The following BBOX1 variants were observed in gnomAD, a reference collection of about 807,000 sequenced individuals.
BBOX1 encodes gamma-butyrobetaine dioxygenase.
BBOX1 carries 35 observed loss-of-function variants against 41.6 expected under a neutral mutation model. That is an observed-to-expected ratio of 0.84 (90% CI 0.64 to 1.11). BBOX1 has a LOEUF of 1.11. Among genes scored for constraint, BBOX1 ranks in the 50% most tolerant of loss-of-function variants. The probability of loss-of-function intolerance (pLI) is 0.00; values close to 1 mark genes in which losing one functional copy is unlikely to be tolerated. For synonymous variants in BBOX1, 163 were observed against 154.7 expected (o/e 1.05, Z -0.40); for missense variants, 458 against 460.6 (o/e 0.99, Z 0.05).
intron 4 of BBOX1, among the ~76,000 whole-genome samples, chr11:27,073,422 G>A (rs1236999112): frequency 2.0e-5 from 3 of 151,756 alleles, no homozygotes; most frequent in Middle Eastern, 3.4e-3. Context: ...ACAGGTGCTG[G>A]AGAGGATGTA....
chr11:27,082,236 A>G (rs1291024929), intron 4 of BBOX1, among the ~76,000 whole-genome samples: 1 of 152,130 alleles, frequency 6.6e-6, no homozygotes, highest in African/African-American at 2.4e-5. Flanking sequence ...TCCAAACTAT[A>G]TCTCTATTCT....
chr11:27,122,838 G>A (rs1476519801), intron 7 of BBOX1, among the ~76,000 whole-genome samples: 1 of 151,870 alleles, frequency 6.6e-6, no homozygotes, highest in African/African-American at 2.4e-5. Context: ...GCTTTTGCTG[G>A]TTCACTGCCA....
intron 4 of BBOX1, among the ~76,000 whole-genome samples, chr11:27,082,507 C>A (rs1857882774): frequency 6.6e-6 from 1 of 152,042 alleles, no homozygotes; most frequent in Admixed American, 6.6e-5. Flanking sequence ...TTTCTGATAT[C>A]CTTTGGTGCG....
chr11:27,060,235 A>G (rs1857099162), intron 4 of BBOX1, among the ~76,000 whole-genome samples: 1 of 152,032 alleles, frequency 6.6e-6, no homozygotes, highest in Admixed American at 6.5e-5. Flanking sequence ...GAGTTCTTTG[A>G]AGATCTGGTT....
intron 7 of BBOX1, among the ~76,000 whole-genome samples, chr11:27,124,813 C>T (rs761908525): frequency 6.6e-5 from 10 of 152,290 alleles, no homozygotes; most frequent in African/African-American, 9.6e-5. Context: ...TGTGAGCCAC[C>T]GTGCCCGGCC....
chr11:27,057,547 A>C (rs1363720941), intron 4 of BBOX1: 1 of 436,226 alleles, frequency 2.3e-6, no homozygotes, highest in Non-Finnish European at 4.0e-6. Flanking sequence ...AAGTCCAGCA[A>C]ACTTGTGTCT....
rs186454107 is a variant in BBOX1 at position 27,068,940 on chromosome 11, T to C, written c.334+11625T>C. ...TGTTCCATTGTTCTATGTGTTTACT[T>C]TTATATAGTACCATGCTGTTTTGGT... On this transcript the variant is annotated intron_variant, in intron 4 of 8. Coordinates refer to ENST00000263182, the MANE Select transcript of BBOX1 (RefSeq NM_003986.3). Among the ~76,000 whole-genome samples the C allele has an allele frequency of 2.0e-4, 31 of 152,308 alleles. No individual in the cohort carries two copies. In the Middle Eastern group the frequency reaches 0.017, roughly 84 times the overall value.
chr11:27,103,156 C>A (rs1298669121), intron 5 of BBOX1, among the ~76,000 whole-genome samples: 1 of 152,040 alleles, frequency 6.6e-6, no homozygotes, highest in African/African-American at 2.4e-5. Context: ...GCACTCCAGC[C>A]CGGGCAACAG....
intron 4 of BBOX1, among the ~76,000 whole-genome samples, chr11:27,092,053 T>G (rs758175064): frequency 1.3e-5 from 2 of 151,952 alleles, no homozygotes; most frequent in Non-Finnish European, 2.9e-5. Flanking sequence ...CCTGCATGTA[T>G]CTTTTTACTA....
At chr11:27,099,261 G>GT (rs1319875736) in intron 5 of BBOX1, among the ~76,000 whole-genome samples, 2 of 151,384 alleles carry the variant, frequency 1.3e-5, no homozygotes, top group East Asian at 3.9e-4. Context: ...GTTCAGATTT[G>GT]TTTTTTTTCT....
intron 5 of BBOX1, among the ~76,000 whole-genome samples, chr11:27,093,840 T>C (rs1453709678): frequency 1.3e-5 from 2 of 151,904 alleles, no homozygotes; most frequent in Non-Finnish European, 2.9e-5. Context: ...CTTCTTCTGA[T>C]ATGGACACCA....
intron 5 of BBOX1, among the ~76,000 whole-genome samples, chr11:27,099,106 G>T (rs1858550573): frequency 6.6e-6 from 1 of 151,838 alleles, no homozygotes; most frequent in Non-Finnish European, 1.5e-5. Context: ...TGACAACATT[G>T]TCAAAATTTA....
At chr11:27,076,088 C>T (rs1857621814) in intron 4 of BBOX1, among the ~76,000 whole-genome samples, 1 of 152,160 alleles carries the variant, frequency 6.6e-6, no homozygotes, top group Non-Finnish European at 1.5e-5. Flanking sequence ...CACTCTCCGC[C>T]TAGGAGTAGG....
rs2133964843 is a variant in BBOX1, at chr11:27,057,235, A to G, written c.254A>G (p.Glu85Gly). The change falls in exon 4 of 9, where the codon GAA becomes GGA. Residue 85 changes from glutamate (E) to glycine (G), a missense_variant. Transcript: ENST00000263182. ...YITWPDEHYS[E>G]FQADWLKKRC... ...ACATGGCCCGATGAGCATTACAGTGAATTCCAGGCTGATTGGCTGAAGAAA... is the reference window on the plus strand; with the variant it reads ...ACATGGCCCGATGAGCATTACAGTGGATTCCAGGCTGATTGGCTGAAGAAA... 6.2e-7 allele frequency: 1 copy of G among 1,611,244 alleles called. No individual in the cohort carries two copies. Among genetic ancestry groups the G allele is most frequent in the African/African-American group, 1.3e-5 (1 of 74,830 alleles).
intron 4 of BBOX1, among the ~76,000 whole-genome samples, chr11:27,069,776 C>G (rs867299896): frequency 3.9e-5 from 6 of 152,004 alleles, no homozygotes; most frequent in Non-Finnish European, 8.8e-5. Flanking sequence ...TTATATATGG[C>G]CTTTATTCAC....
At chr11:27,074,072 A>T (rs1308687996) in intron 4 of BBOX1, among the ~76,000 whole-genome samples, 2 of 152,048 alleles carry the variant, frequency 1.3e-5, no homozygotes, top group Non-Finnish European at 2.9e-5. Flanking sequence ...TATAAAAAAA[A>T]GTGTGTGGCA....
At chr11:27,094,018 T>G (rs1463837897) in intron 5 of BBOX1, among the ~76,000 whole-genome samples, 3 of 152,006 alleles carry the variant, frequency 2.0e-5, no homozygotes, top group African/African-American at 7.2e-5. Flanking sequence ...CATTAAACTT[T>G]TACCTCCCAA....
chr11:27,089,390 AC>A (rs932866317), intron 4 of BBOX1, among the ~76,000 whole-genome samples: 23 of 151,976 alleles, frequency 1.5e-4, no homozygotes, highest in African/African-American at 5.6e-4. Context: ...TCAATAGGAA[AC>A]AATACATTTT....
At chr11:27,114,919 T>G (rs1171645367) in intron 5 of BBOX1, among the ~76,000 whole-genome samples, 2 of 151,786 alleles carry the variant, frequency 1.3e-5, no homozygotes, top group East Asian at 3.9e-4. Context: ...AATAGGTAAA[T>G]CCACAGAGAC....
Sources: gnomAD v4.1 joint callset for allele counts (sites outside exome capture counted in the v4.1 genomes callset) on GRCh38, gnomAD v4.1.1 for gene constraint, MANE v1.5 for transcripts, NCBI Gene and HGNC (gene_info 2026-07-23, HGNC 2026-07-21) for gene names.